BSN: variants seen among roughly 807,000 people sequenced by gnomAD.
BSN encodes the protein protein bassoon.
In BSN, 57 loss-of-function variants were observed where a neutral mutation model predicts 264.8. That is an observed-to-expected ratio of 0.22 (90% CI 0.17 to 0.27). BSN has a LOEUF of 0.27. BSN is among the 10% of genes least tolerant of loss of function. BSN has a pLI of 1.00. For missense variants in BSN, 4,615 were observed against 5,232.5 expected (o/e 0.88, Z 3.64); for synonymous variants, 2,059 against 2,137.3 (o/e 0.96, Z 1.01).
chr3:49,657,417 G>A lies in BSN; in HGVS notation c.7861G>A (p.Glu2621Lys). The A allele has an allele frequency of 3.1e-6, 5 of 1,613,116 alleles. No individual in the cohort carries two copies. The highest frequency in any genetic ancestry group is 4.2e-6 in the Non-Finnish European group (5 of 1,179,982). ...GCAGACGGACGACGAAGACAGTGCTGAGTGGGAGCAGCCAGTGCGCCGCCG... is the reference window on the plus strand; with the variant it reads ...GCAGACGGACGACGAAGACAGTGCTAAGTGGGAGCAGCCAGTGCGCCGCCG... The part of the protein sequence containing the change: ...SVQTDDEDSA[E>K]WEQPVRRRRS... The change falls in exon 5 of 12, where the codon GAG becomes AAG. Residue 2621 changes from glutamate (E) to lysine (K), a missense_variant. Coordinates refer to ENST00000296452, the MANE Select transcript of BSN (RefSeq NM_003458.4).
Position 49,663,300 on chromosome 3 carries a change from A to C in BSN, c.11142A>C (p.Ala3714=), listed in dbSNP as rs878917998. 2.5e-6 allele frequency: 4 copies of C among 1,614,100 alleles called. No individual in the cohort carries two copies. In the African/African-American group the frequency reaches 4.0e-5, roughly 16 times the overall value. ...CACAGCCATCCCGTGCTTCATCCGC[A>C]TACCATCATGCCTCTGACAGCAAGA... ...EYSQPSRASS[A]YHHASDSKKG... is the part of the protein sequence containing the mutation. Residue 3714 remains alanine, a synonymous_variant, in exon 7 of 12, where the codon GCA becomes GCC. Coordinates refer to ENST00000296452, the MANE Select transcript of BSN (RefSeq NM_003458.4).
chr3:49,588,948 T>C (rs904644190), intron 1 of BSN, among the ~76,000 whole-genome samples: 1 of 150,652 alleles, frequency 6.6e-6, no homozygotes, highest in African/African-American at 2.4e-5. Context: ...AGAGTCTCGC[T>C]CTGTCGCCCA....
intron 1 of BSN, among the ~76,000 whole-genome samples, chr3:49,589,302 G>A (rs2051959858): frequency 6.6e-6 from 1 of 151,696 alleles, no homozygotes; most frequent in Non-Finnish European, 1.5e-5. Context: ...CTGCCTAGTT[G>A]TTCTATCCAT....
chr3:49,592,728 G>C (rs935291809), intron 1 of BSN, among the ~76,000 whole-genome samples: 6 of 150,736 alleles, frequency 4.0e-5, no homozygotes, highest in South Asian at 2.1e-4. Context: ...TCTGGCCCGG[G>C]TGACAGAGCG....
chr3:49,583,735 G>A (rs1432326343), intron 1 of BSN, among the ~76,000 whole-genome samples: 1 of 152,142 alleles, frequency 6.6e-6, no homozygotes, highest in African/African-American at 2.4e-5. Flanking sequence ...GTTTATTTAT[G>A]TGTTATAGGT....
intron 2 of BSN, among the ~76,000 whole-genome samples, chr3:49,640,221 C>T (rs185832804): frequency 5.9e-5 from 9 of 152,334 alleles, no homozygotes; most frequent in East Asian, 1.9e-4. Flanking sequence ...CATTGAGGCA[C>T]CAAATCTCGG....
chr3:49,564,066 C>T lies in BSN; in HGVS notation c.224+9240C>T, dbSNP rs139267072. The stretch of plus-strand genomic sequence containing the variant: ...TCTCTGGACTTCACTTCTCCAGCTC[C>T]TGTGGCTGTGATGGGACTCTGAGAC... On this transcript the variant is annotated intron_variant, in intron 1 of 11. Transcript: ENST00000296452. 4.8e-3 allele frequency among the ~76,000 whole-genome samples: 732 copies of T among 152,284 alleles called. 9 individuals are homozygous for T. Among genetic ancestry groups the T allele is most frequent in the African/African-American group, 0.016 (662 of 41,564 alleles).
intron 1 of BSN, among the ~76,000 whole-genome samples, chr3:49,592,452 G>T (rs1489167636): frequency 1.3e-5 from 2 of 150,110 alleles, no homozygotes; most frequent in African/African-American, 2.4e-5. Context: ...ACATGCAGCT[G>T]TAAGAAATAA....
chr3:49,612,960 C>T (rs1039794396), intron 1 of BSN, among the ~76,000 whole-genome samples: 2 of 152,094 alleles, frequency 1.3e-5, no homozygotes, highest in African/African-American at 4.8e-5. Context: ...TGGAGAAACC[C>T]CGTCTCTACT....
intron 1 of BSN, among the ~76,000 whole-genome samples, chr3:49,601,459 G>A (rs1360724784): frequency 6.6e-6 from 1 of 152,192 alleles, no homozygotes; most frequent in Non-Finnish European, 1.5e-5. Flanking sequence ...AGACTGGAGA[G>A]ACCTGAATAA....
chr3:49,629,661 C>T (rs954896828), intron 2 of BSN, among the ~76,000 whole-genome samples: 13 of 152,202 alleles, frequency 8.5e-5, no homozygotes, highest in African/African-American at 3.1e-4. Flanking sequence ...CCTGCATGCC[C>T]GAGCCTCCAG....
At chr3:49,580,362 G>A (rs1427361856) in intron 1 of BSN, among the ~76,000 whole-genome samples, 1 of 152,296 alleles carries the variant, frequency 6.6e-6, no homozygotes, top group East Asian at 1.9e-4. Context: ...TCTTAAGACA[G>A]TTTTATTGAG....
At chr3:49,561,012 T>C (rs1275267130) in intron 1 of BSN, among the ~76,000 whole-genome samples, 5 of 152,212 alleles carry the variant, frequency 3.3e-5, no homozygotes, top group Admixed American at 2.6e-4. Context: ...CTCCTTCCTA[T>C]TATTCGTCTT....
intron 1 of BSN, among the ~76,000 whole-genome samples, chr3:49,591,029 C>T (rs1470586275): frequency 1.3e-5 from 2 of 151,366 alleles, no homozygotes; most frequent in Non-Finnish European, 2.9e-5. Context: ...TGAGATCACA[C>T]CATTGTACTC....
intron 1 of BSN, among the ~76,000 whole-genome samples, chr3:49,622,333 A>G (rs974506428): frequency 1.3e-5 from 2 of 152,204 alleles, no homozygotes; most frequent in Non-Finnish European, 2.9e-5. Flanking sequence ...CGCGATCTCC[A>G]GGTGTCATGA....
chr3:49,559,396 G>A (rs1439442769), intron 1 of BSN, among the ~76,000 whole-genome samples: 1 of 152,092 alleles, frequency 6.6e-6, no homozygotes, highest in Non-Finnish European at 1.5e-5. Flanking sequence ...ACCCCCTAGA[G>A]AAGCAAATTC....
chr3:49,639,569 G>T (rs1191273109), intron 2 of BSN, among the ~76,000 whole-genome samples: 2 of 152,216 alleles, frequency 1.3e-5, no homozygotes, highest in African/African-American at 4.8e-5. Flanking sequence ...TCACCTCACT[G>T]CCTCGGCATC....
downstream of BSN, among the ~76,000 whole-genome samples, chr3:49,672,736 C>T (rs1459566138): frequency 2.0e-5 from 3 of 151,428 alleles, no homozygotes; most frequent in African/African-American, 7.3e-5. Context: ...CCGCCTCAGC[C>T]TCCCAAAGTG....
downstream of BSN, among the ~76,000 whole-genome samples, chr3:49,672,025 CTTTTTTTTTT>C (rs34710169): frequency 2.0e-5 from 2 of 100,412 alleles, no homozygotes; most frequent in Non-Finnish European, 3.8e-5. Flanking sequence ...GTTGCTAGAC[CTTTTTTTTTT>C]TTTTTTTTTT....
Sources: allele counts gnomAD v4.1 joint callset (sites outside exome capture counted in the v4.1 genomes callset), GRCh38; gene constraint gnomAD v4.1.1; transcripts MANE v1.5; gene names NCBI Gene and HGNC (gene_info 2026-07-23, HGNC 2026-07-21).